Variants in INSYN2B observed in about 807,000 individuals in gnomAD.
The protein encoded by INSYN2B is inhibitory synaptic factor family member 2B, also known as protein INSYN2B.
A neutral mutation model predicts 41.2 loss-of-function variants in INSYN2B; 16 were observed. The ratio of observed to expected loss-of-function variants is 0.39; its 90% CI spans 0.26 to 0.59. INSYN2B has a LOEUF of 0.59. Ranked by LOEUF, INSYN2B falls within the 20% of genes least tolerant of loss-of-function variation. INSYN2B has a pLI of 0.57. For missense variants in INSYN2B, 608 were observed against 646.4 expected, an observed-to-expected ratio of 0.94 and a Z score of 0.64; for synonymous variants, 245 against 244.4, an observed-to-expected ratio of 1.00 and a Z score of -0.02.
intron 1 of INSYN2B, among the ~76,000 whole-genome samples, chr5:169,963,053 A>G (rs1777156144): frequency 6.6e-6 from 1 of 152,184 alleles, no homozygotes; most frequent in African/African-American, 2.4e-5. Flanking sequence ...CTTTACAGTT[A>G]CAGTTCCCAT....
intron 1 of INSYN2B, among the ~76,000 whole-genome samples, chr5:169,963,647 T>A (rs1434128658): frequency 6.6e-6 from 1 of 152,150 alleles, no homozygotes; most frequent in Non-Finnish European, 1.5e-5. Flanking sequence ...CTACCCAGAA[T>A]GTTAACCCAC....
intron 1 of INSYN2B, among the ~76,000 whole-genome samples, chr5:169,946,733 C>T (rs900034940): frequency 6.6e-6 from 1 of 152,240 alleles, no homozygotes; most frequent in Non-Finnish European, 1.5e-5. Context: ...AAAATAATTT[C>T]ACACAGCGAT....
intron 1 of INSYN2B, among the ~76,000 whole-genome samples, chr5:169,955,142 G>A (rs1776811264): frequency 2.0e-5 from 3 of 152,182 alleles, no homozygotes; most frequent in Admixed American, 2.0e-4. Context: ...TGGAAGCTGA[G>A]GAGCTACATG....
chr5:169,954,433 C>A (rs1776785323), intron 1 of INSYN2B, among the ~76,000 whole-genome samples: 1 of 151,958 alleles, frequency 6.6e-6, no homozygotes, highest in Non-Finnish European at 1.5e-5. Flanking sequence ...TTTTGAAGCC[C>A]CAAAAAATGT....
intron 1 of INSYN2B, among the ~76,000 whole-genome samples, chr5:169,892,217 A>G (rs1419459367): frequency 1.3e-5 from 2 of 152,094 alleles, no homozygotes; most frequent in East Asian, 1.9e-4. Context: ...TGGGACTCAA[A>G]GCAAACCTAA....
At chr5:169,929,599 T>G (rs1205590159) in intron 1 of INSYN2B, among the ~76,000 whole-genome samples, 6 of 151,862 alleles carry the variant, frequency 4.0e-5, no homozygotes, top group Admixed American at 2.6e-4. Flanking sequence ...CAAAATTAGC[T>G]GAGTGTGGTG....
At chr5:169,947,518 A>G (rs575021511) in intron 1 of INSYN2B, among the ~76,000 whole-genome samples, 1 of 152,342 alleles carries the variant, frequency 6.6e-6, no homozygotes, top group Non-Finnish European at 1.5e-5. Flanking sequence ...CCACGCAACT[A>G]ATATCAGATT....
chr5:169,887,784 T>G (rs536691172), intron 1 of INSYN2B, among the ~76,000 whole-genome samples: 2 of 152,310 alleles, frequency 1.3e-5, no homozygotes, highest in South Asian at 4.1e-4. Flanking sequence ...CATTTTAGAT[T>G]TCGTTGATAC....
chr5:169,950,083 C>T (rs1776598133), intron 1 of INSYN2B, among the ~76,000 whole-genome samples: 1 of 152,146 alleles, frequency 6.6e-6, no homozygotes, highest in South Asian at 2.1e-4. Context: ...TGTTCAAGCC[C>T]ATCTGGCACC....
At chr5:169,980,167 C>G (rs1777889486) in intron 1 of INSYN2B, 110 bp downstream of exon 1, 1 of 152,180 alleles carries the variant, frequency 6.6e-6, no homozygotes, top group Non-Finnish European at 1.5e-5. Flanking sequence ...CCCAGTCTCA[C>G]TGTTGATTTA....
chr5:169,958,409 C>G (rs183974242), intron 1 of INSYN2B, among the ~76,000 whole-genome samples: 2 of 152,244 alleles, frequency 1.3e-5, no homozygotes, highest in Admixed American at 6.5e-5. Flanking sequence ...TCTGCAAACT[C>G]CATCATCCGA....
intron 1 of INSYN2B, among the ~76,000 whole-genome samples, chr5:169,890,582 G>C (rs533081287): frequency 1.3e-5 from 2 of 152,070 alleles, no homozygotes; most frequent in South Asian, 4.1e-4. Flanking sequence ...GGTATATTTT[G>C]GGGGTCTGCC....
chr5:169,901,430 T>C (rs1773917027), intron 1 of INSYN2B, among the ~76,000 whole-genome samples: 1 of 152,090 alleles, frequency 6.6e-6, no homozygotes. Context: ...TGTGTGTGTG[T>C]GTGGGCATGC....
At chr5:169,879,180 C>T (rs1772495865) in intron 3 of INSYN2B, among the ~76,000 whole-genome samples, 2 of 152,194 alleles carry the variant, frequency 1.3e-5, no homozygotes, top group Admixed American at 1.3e-4. Flanking sequence ...ACCCAGTGGG[C>T]AATCCATCAT....
intron 1 of INSYN2B, among the ~76,000 whole-genome samples, chr5:169,917,866 T>C (rs535018628): frequency 6.6e-6 from 1 of 152,340 alleles, no homozygotes; most frequent in South Asian, 2.1e-4. Context: ...CCCTTTCCAC[T>C]GGTATTTCAT....
At chr5:169,967,683 A>G (rs1777352593) in intron 1 of INSYN2B, among the ~76,000 whole-genome samples, 1 of 152,138 alleles carries the variant, frequency 6.6e-6, no homozygotes, top group Admixed American at 6.5e-5. Context: ...AACAGGGAGA[A>G]TTGATTAGAG....
intron 1 of INSYN2B, among the ~76,000 whole-genome samples, chr5:169,955,076 C>T (rs1227253810): frequency 6.6e-6 from 1 of 152,234 alleles, no homozygotes. Flanking sequence ...GAGCTAAGCA[C>T]TTTTGTGCCC....
chr5:169,949,641 C>A (rs1561845725), intron 1 of INSYN2B, among the ~76,000 whole-genome samples: 1 of 111,708 alleles, frequency 9.0e-6, no homozygotes, highest in South Asian at 2.4e-4. Flanking sequence ...AATTTGATTT[C>A]TTTGGGCTGT....
intron 1 of INSYN2B, among the ~76,000 whole-genome samples, chr5:169,944,279 G>A (rs569634485): frequency 4.6e-5 from 7 of 152,214 alleles, no homozygotes; most frequent in African/African-American, 1.4e-4. Context: ...ATGCACAGAG[G>A]TGTCTGAAAG....
Sources: gnomAD v4.1 joint callset for allele counts (sites outside exome capture counted in the v4.1 genomes callset) on GRCh38, gnomAD v4.1.1 for gene constraint, MANE v1.5 for transcripts, NCBI Gene and HGNC (gene_info 2026-07-23, HGNC 2026-07-21) for gene names.